The following PLPP4 variants were observed in gnomAD, a reference collection of about 807,000 sequenced individuals.
PLPP4 encodes the protein phospholipid phosphatase 4.
A neutral mutation model predicts 32.2 loss-of-function variants in PLPP4; 20 were observed. The observed-to-expected ratio is 0.62, with a 90% CI of 0.44 to 0.90. The LOEUF (loss-of-function observed/expected upper bound fraction) is 0.90. Ranked by LOEUF, PLPP4 falls within the 40% of genes least tolerant of loss-of-function variation. The probability of loss-of-function intolerance (pLI) is 0.00; values close to 1 mark genes in which losing one functional copy is unlikely to be tolerated. For missense variants in PLPP4, 257 were observed against 353.1 expected (o/e 0.73, Z 2.18); for synonymous variants, 127 against 133.0 (o/e 0.95, Z 0.31).
At chr10:120,577,098 C>A (rs1443969881) in intron 6 of PLPP4, among the ~76,000 whole-genome samples, 1 of 152,218 alleles carries the variant, frequency 6.6e-6, no homozygotes, top group Admixed American at 6.5e-5. Flanking sequence ...TTACTACACA[C>A]ATGCAAAGTG....
intron 5 of PLPP4, among the ~76,000 whole-genome samples, chr10:120,572,885 C>T (rs1463342485): frequency 2.6e-5 from 4 of 152,186 alleles, no homozygotes; most frequent in Non-Finnish European, 5.9e-5. Flanking sequence ...CACTTAATAA[C>T]CTCCCACCAC....
chr10:120,514,441 A>G (rs1845857089), intron 3 of PLPP4, among the ~76,000 whole-genome samples: 1 of 152,232 alleles, frequency 6.6e-6, no homozygotes, highest in Non-Finnish European at 1.5e-5. Context: ...ATAATAGGCA[A>G]ATGCGGGAGT....
intron 1 of PLPP4, among the ~76,000 whole-genome samples, chr10:120,491,969 G>A (rs1049738842): frequency 6.6e-6 from 1 of 152,130 alleles, no homozygotes; most frequent in African/African-American, 2.4e-5. Flanking sequence ...CACATATTTG[G>A]TATACAAATT....
At chr10:120,574,166 ACACTCTCTCTCTCTCTCTCTCT>A (rs1215764902) in intron 5 of PLPP4, among the ~76,000 whole-genome samples, 65 of 48,014 alleles carry the variant, frequency 1.4e-3, no homozygotes, top group African/African-American at 4.9e-3. Flanking sequence ...ACACACACAC[ACACTCTCTCTCTCTCTCTCTCT>A]CTCTCTCTCT....
intron 1 of PLPP4, among the ~76,000 whole-genome samples, chr10:120,478,214 C>T (rs117376437): frequency 1.3e-5 from 2 of 152,320 alleles, no homozygotes; most frequent in East Asian, 1.9e-4. Flanking sequence ...AGGTTTTCCA[C>T]GTTTTCATTT....
intron 3 of PLPP4, among the ~76,000 whole-genome samples, chr10:120,518,104 A>G (rs1038793617): frequency 6.6e-5 from 10 of 152,176 alleles, no homozygotes; most frequent in African/African-American, 1.4e-4. Flanking sequence ...TTTGCAGTGA[A>G]AGCTCTGTGA....
chr10:120,560,717 T>G (rs369418463), intron 5 of PLPP4, among the ~76,000 whole-genome samples: 2 of 152,294 alleles, frequency 1.3e-5, no homozygotes, highest in South Asian at 2.1e-4. Context: ...ATTGCACCAC[T>G]GCACTCCAAC....
chr10:120,512,753 C>T (rs1272827042), intron 2 of PLPP4, among the ~76,000 whole-genome samples: 1 of 152,130 alleles, frequency 6.6e-6, no homozygotes, highest in Non-Finnish European at 1.5e-5. Context: ...GTGGAGGTTG[C>T]AGTGAGCGGA....
At chr10:120,583,630 G>A (rs1589934020) in intron 6 of PLPP4, among the ~76,000 whole-genome samples, 1 of 152,116 alleles carries the variant, frequency 6.6e-6, no homozygotes, top group Non-Finnish European at 1.5e-5. Context: ...GGCAACCACT[G>A]ATCTACTTTT....
chr10:120,579,274 G>T (rs1849370274), intron 6 of PLPP4, among the ~76,000 whole-genome samples: 1 of 152,106 alleles, frequency 6.6e-6, no homozygotes, highest in Admixed American at 6.5e-5. Flanking sequence ...TTCATTATAA[G>T]AAAGAACATC....
At chr10:120,490,146 G>A (rs2133835971) in intron 1 of PLPP4, among the ~76,000 whole-genome samples, 1 of 152,316 alleles carries the variant, frequency 6.6e-6, no homozygotes, top group African/African-American at 2.4e-5. Context: ...CAGTCATAAA[G>A]TCCGGTTGTA....
chr10:120,543,624 A>G (rs1486161720), intron 5 of PLPP4, among the ~76,000 whole-genome samples: 1 of 152,214 alleles, frequency 6.6e-6, no homozygotes, highest in Non-Finnish European at 1.5e-5. Flanking sequence ...TATACATAAC[A>G]GAAAATTTAC....
At chr10:120,569,191 A>G (rs1167349537) in intron 5 of PLPP4, among the ~76,000 whole-genome samples, 1 of 151,806 alleles carries the variant, frequency 6.6e-6, no homozygotes, top group Non-Finnish European at 1.5e-5. Flanking sequence ...GTGAGCTGAG[A>G]TCACACCACT....
At chr10:120,497,743 A>G (rs1845036437) in intron 1 of PLPP4, among the ~76,000 whole-genome samples, 1 of 152,160 alleles carries the variant, frequency 6.6e-6, no homozygotes, top group South Asian at 2.1e-4. Context: ...ATACAAATAT[A>G]TCAAGATAAC....
chr10:120,510,924 C>T (rs12769913), intron 2 of PLPP4, among the ~76,000 whole-genome samples: 70,187 of 152,006 alleles, frequency 0.46, 16,576 homozygotes, highest in East Asian at 0.66. Flanking sequence ...AAACAAGCCA[C>T]ATCTTGCAAT....
At chr10:120,517,014 C>A (rs1845959501) in intron 3 of PLPP4, among the ~76,000 whole-genome samples, 1 of 152,176 alleles carries the variant, frequency 6.6e-6, no homozygotes, top group African/African-American at 2.4e-5. Context: ...GTGGTTATAT[C>A]ATATCCATAC....
At chr10:120,494,610 C>A (rs1182001720) in intron 1 of PLPP4, among the ~76,000 whole-genome samples, 2 of 152,208 alleles carry the variant, frequency 1.3e-5, no homozygotes, top group African/African-American at 4.8e-5. Context: ...ATTCCGGGAG[C>A]TGTTCCTGGT....
chr10:120,472,075 C>T (rs1442026395), intron 1 of PLPP4, among the ~76,000 whole-genome samples: 8 of 151,942 alleles, frequency 5.3e-5, no homozygotes, highest in African/African-American at 1.7e-4. Context: ...ATATATAAAT[C>T]TCATAAAACA....
chr10:120,573,790 G>A (rs992811563), intron 5 of PLPP4, among the ~76,000 whole-genome samples: 30 of 152,284 alleles, frequency 2.0e-4, no homozygotes, highest in Non-Finnish European at 2.8e-4. Flanking sequence ...GATCGCTGGT[G>A]GATGTTGTGA....
Sources: allele counts gnomAD v4.1 joint callset (sites outside exome capture counted in the v4.1 genomes callset), GRCh38; gene constraint gnomAD v4.1.1; transcripts MANE v1.5; gene names NCBI Gene and HGNC (gene_info 2026-07-23, HGNC 2026-07-21).